DOCK2: variants seen among roughly 807,000 people sequenced by gnomAD.
The protein encoded by DOCK2 is dedicator of cytokinesis 2.
In DOCK2, 87 loss-of-function variants were observed where a neutral mutation model predicts 248.9. That is an observed-to-expected ratio of 0.35 (90% CI 0.29 to 0.42). The LOEUF (loss-of-function observed/expected upper bound fraction) is 0.42. DOCK2 is among the 10% of genes least tolerant of loss of function. The probability of loss-of-function intolerance (pLI) is 1.00; values close to 1 mark genes in which losing one functional copy is unlikely to be tolerated. For missense variants in DOCK2, 1,747 were observed against 2,300.2 expected (o/e 0.76, Z 4.92); for synonymous variants, 805 against 821.6 (o/e 0.98, Z 0.35).
At chr5:169,833,045 G>C (rs997569323) in intron 26 of DOCK2, among the ~76,000 whole-genome samples, 1 of 152,108 alleles carries the variant, frequency 6.6e-6, no homozygotes, top group African/African-American at 2.4e-5. Flanking sequence ...CAGCAGAATA[G>C]GTCCTTCATT....
At chr5:169,876,277 T>C (rs1489080653) in intron 27 of DOCK2, among the ~76,000 whole-genome samples, 1 of 152,238 alleles carries the variant, frequency 6.6e-6, no homozygotes, top group East Asian at 1.9e-4. Context: ...CCAAATAAGG[T>C]CACATATGCA....
chr5:169,767,822 T>C (rs1239341847), intron 25 of DOCK2, among the ~76,000 whole-genome samples: 1 of 152,234 alleles, frequency 6.6e-6, no homozygotes, highest in Non-Finnish European at 1.5e-5. Context: ...AAATATATAT[T>C]AAGTTTTTAC....
chr5:170,023,002 G>A (rs1053911232), intron 33 of DOCK2, among the ~76,000 whole-genome samples: 7 of 152,330 alleles, frequency 4.6e-5, no homozygotes, highest in South Asian at 2.1e-4. Context: ...CCCTTGCCCC[G>A]AGTACACCAG....
At chr5:169,881,587 A>C in intron 27 of DOCK2, 1 of 655,412 alleles carries the variant, frequency 1.5e-6, no homozygotes, top group Non-Finnish European at 2.8e-6. Context: ...AGGAAACAAG[A>C]ATGTCACGAC....
In DOCK2 at chr5:170,033,592, C is replaced by A. The variant is rs150328927; in HGVS notation, c.3468-807C>A. 1.1e-3 allele frequency among the ~76,000 whole-genome samples: 169 copies of A among 152,222 alleles called. 1 individual carries two copies. The highest frequency in any genetic ancestry group is 3.9e-3 in the African/African-American group (164 of 41,538). On this transcript the variant is annotated intron_variant, in intron 34 of 51. Transcript: ENST00000520908. ...GGCAGTAGAGACACGGATGCTGGGG[C>A]CAGACTTTTTGATATTCCTGACCAT...
chr5:169,794,894 G>A (rs1187890973), intron 25 of DOCK2, among the ~76,000 whole-genome samples: 1 of 152,208 alleles, frequency 6.6e-6, no homozygotes, highest in African/African-American at 2.4e-5. Flanking sequence ...CTGCACTCCA[G>A]CCTGGGTGAC....
intron 1 of DOCK2, among the ~76,000 whole-genome samples, chr5:169,639,525 C>T (rs1417493033): frequency 6.6e-6 from 1 of 152,214 alleles, no homozygotes; most frequent in Non-Finnish European, 1.5e-5. Flanking sequence ...CTATATCTCA[C>T]ACTGTATCCT....
chr5:169,929,775 A>G (rs2624251), intron 27 of DOCK2, among the ~76,000 whole-genome samples: 92,105 of 148,334 alleles, frequency 0.62, 29,808 homozygotes, highest in African/African-American at 0.83. Context: ...GAGAGAGAGA[A>G]AGAAGCTATC....
At chr5:169,915,598 A>T (rs2113634075) in intron 27 of DOCK2, among the ~76,000 whole-genome samples, 1 of 151,116 alleles carries the variant, frequency 6.6e-6, no homozygotes, top group African/African-American at 2.4e-5. Flanking sequence ...ACACACACAC[A>T]CACAGAGGGA....
chr5:169,960,166 C>T (rs564671005), intron 27 of DOCK2, among the ~76,000 whole-genome samples: 1 of 152,136 alleles, frequency 6.6e-6, no homozygotes, highest in Non-Finnish European at 1.5e-5. Flanking sequence ...TTTATAAGTA[C>T]CCATGATAAA....
At chr5:170,061,379 C>T (rs916950184) in intron 44 of DOCK2, among the ~76,000 whole-genome samples, 4 of 152,298 alleles carry the variant, frequency 2.6e-5, no homozygotes, top group East Asian at 1.9e-4. Flanking sequence ...AGCTCTGCCC[C>T]GTGGCTCAGG....
chr5:169,902,270 G>C (rs261053), intron 27 of DOCK2, among the ~76,000 whole-genome samples: 107,271 of 152,142 alleles, frequency 0.71, 39,085 homozygotes, highest in African/African-American at 0.89. Context: ...GAGGCACAAT[G>C]ATAACCAGCA....
chr5:169,678,991 T>TG (rs1387829243), intron 6 of DOCK2, among the ~76,000 whole-genome samples: 1 of 151,834 alleles, frequency 6.6e-6, no homozygotes, highest in African/African-American at 2.4e-5. Flanking sequence ...GAGGAAGACA[T>TG]GGGTGGACTG....
At position 170,056,683 on chromosome 5, in the gene DOCK2, G is replaced by A; in HGVS notation, c.4296-1G>A. Reference sequence around the variant, plus strand: ...AGCCTCAGCCTCTTCCTGTCTTTCAGCTTCTACAAATCCAACTACGTGCAA... The same window carrying A: ...AGCCTCAGCCTCTTCCTGTCTTTCAACTTCTACAAATCCAACTACGTGCAA... On this transcript the variant is annotated splice_acceptor_variant, in intron 42 of 51. Transcript: ENST00000520908. LOFTEE classifies it high-confidence loss of function. The A allele has an allele frequency of 1.9e-6, 3 of 1,614,008 alleles. No homozygotes were observed. The highest frequency in any genetic ancestry group is 2.5e-6 in the Non-Finnish European group (3 of 1,179,934).
At chr5:169,795,786 G>A (rs771419842) in intron 25 of DOCK2, among the ~76,000 whole-genome samples, 5 of 152,194 alleles carry the variant, frequency 3.3e-5, no homozygotes, top group African/African-American at 4.8e-5. Context: ...GCCTGGCAGA[G>A]CAGAGCTGGA....
At chr5:170,041,975 C>T (rs761413790) in intron 37 of DOCK2, 38 bp from the exon 38 acceptor site, 1 of 1,607,580 alleles carries the variant, frequency 6.2e-7, no homozygotes, top group Admixed American at 1.7e-5. Context: ...TTGGCAGCCT[C>T]TCGGCCCTGT....
chr5:169,798,578 T>A (rs1355846699), intron 25 of DOCK2, among the ~76,000 whole-genome samples: 1 of 152,222 alleles, frequency 6.6e-6, no homozygotes, highest in East Asian at 1.9e-4. Flanking sequence ...CCTCAGTTAT[T>A]CCACAGCTCT....
Position 169,725,936 on chromosome 5 carries a change from T to C in DOCK2, c.2267+7145T>C, listed in dbSNP as rs113400865. Among the ~76,000 whole-genome samples the C allele has an allele frequency of 1.5e-3, 228 of 152,336 alleles. 1 individual carries two copies. Among genetic ancestry groups the C allele is most frequent in the African/African-American group, 5.3e-3 (219 of 41,570 alleles). ...GACATTTGGGTTGGTTCCAAGTCTT[T>C]GCTATTGTGAATAGTGCTGCAATAA... is the stretch of plus-strand genomic sequence containing the variant. On this transcript the variant is annotated intron_variant, in intron 22 of 51. Transcript: ENST00000520908.
chr5:169,650,728 T>TC (rs1411965123), intron 1 of DOCK2, among the ~76,000 whole-genome samples: 1 of 152,180 alleles, frequency 6.6e-6, no homozygotes, highest in Non-Finnish European at 1.5e-5. Context: ...CTTGGGAACA[T>TC]CCCTTTGATC....
Sources: allele counts gnomAD v4.1 joint callset (sites outside exome capture counted in the v4.1 genomes callset), GRCh38; gene constraint gnomAD v4.1.1; transcripts MANE v1.5; gene names NCBI Gene and HGNC (gene_info 2026-07-23, HGNC 2026-07-21).